SYN2: variants seen among roughly 807,000 people sequenced by gnomAD.
The protein encoded by SYN2 is synapsin-2.
Under a neutral mutation model 50.9 loss-of-function variants are expected in SYN2, and 19 were observed. That is an observed-to-expected ratio of 0.37 (90% confidence interval 0.26 to 0.55). The LOEUF (loss-of-function observed/expected upper bound fraction) is 0.55. Ranked by LOEUF, SYN2 falls within the 20% of genes least tolerant of loss-of-function variation. The probability of loss-of-function intolerance (pLI) is 0.81; values close to 1 mark genes in which losing one functional copy is unlikely to be tolerated. For missense variants in SYN2, 587 were observed against 576.4 expected (o/e 1.02, Z -0.19); for synonymous variants, 255 against 224.9 (o/e 1.13, Z -1.20).
chr3:12,106,490 T>C (rs1035413993), intron 1 of SYN2, among the ~76,000 whole-genome samples: 1 of 152,208 alleles, frequency 6.6e-6, no homozygotes, highest in African/African-American at 2.4e-5. Context: ...TTTTATCTCA[T>C]TTACTGGATC....
At chr3:12,016,074 T>C (rs1694023283) in intron 1 of SYN2, among the ~76,000 whole-genome samples, 1 of 152,234 alleles carries the variant, frequency 6.6e-6, no homozygotes, top group East Asian at 1.9e-4. Flanking sequence ...AACTGAAAAC[T>C]GTTTCTTTTA....
At chr3:12,182,654 CG>C (rs1559458339) in intron 10 of SYN2, among the ~76,000 whole-genome samples, 1 of 152,228 alleles carries the variant, frequency 6.6e-6, no homozygotes, top group African/African-American at 2.4e-5. Flanking sequence ...AAACAAATGA[CG>C]ACCCCTTTCT....
intron 1 of SYN2, among the ~76,000 whole-genome samples, chr3:12,024,770 T>C (rs1299790193): frequency 1.3e-5 from 2 of 152,234 alleles, no homozygotes; most frequent in Admixed American, 6.5e-5. Context: ...TGTTGGTGAT[T>C]ATAAGCTCTT....
chr3:12,163,442 T>G (rs1697706060), intron 7 of SYN2, among the ~76,000 whole-genome samples: 1 of 151,330 alleles, frequency 6.6e-6, no homozygotes, highest in Admixed American at 6.6e-5. Flanking sequence ...CCCCACCCCT[T>G]GAGTGAGTTA....
At chr3:12,053,842 A>G (rs1353169735) in intron 1 of SYN2, among the ~76,000 whole-genome samples, 1 of 152,236 alleles carries the variant, frequency 6.6e-6, no homozygotes, top group East Asian at 1.9e-4. Flanking sequence ...GAATAATTAA[A>G]AATATAATTA....
rs1054683585 is a variant in SYN2, at chr3:12,191,992, T to C, written c.*1367T>C. ...CCACGGATGCTGTGAAGATAAACAC[T>C]ACATCTGCACCAATAAAAAATCCAT... On this transcript the variant is annotated 3_prime_UTR_variant, in exon 13 of 13. Coordinates refer to ENST00000621198, the MANE Select transcript of SYN2 (RefSeq NM_133625.6). 1.3e-5 allele frequency among the ~76,000 whole-genome samples: 2 copies of C among 152,206 alleles called. No homozygotes were observed. Among genetic ancestry groups the C allele is most frequent in the African/African-American group, 4.8e-5 (2 of 41,456 alleles).
chr3:12,038,154 A>G (rs1054435266), intron 1 of SYN2, among the ~76,000 whole-genome samples: 4 of 152,156 alleles, frequency 2.6e-5, no homozygotes, highest in African/African-American at 9.7e-5. Flanking sequence ...ATTTGTTGAA[A>G]AGACTCTTTT....
chr3:12,179,378 A>G (rs1228488116), intron 10 of SYN2, among the ~76,000 whole-genome samples: 15 of 91,238 alleles, frequency 1.6e-4, no homozygotes, highest in African/African-American at 7.8e-4. Flanking sequence ...CTGAAAGAAA[A>G]AAAAAAAAAA....
intron 1 of SYN2, among the ~76,000 whole-genome samples, chr3:12,104,992 G>C (rs1018643616): frequency 6.6e-6 from 1 of 152,202 alleles, no homozygotes; most frequent in Non-Finnish European, 1.5e-5. Context: ...GTAGCGCTAA[G>C]TGAGCACAAT....
intron 1 of SYN2, among the ~76,000 whole-genome samples, chr3:12,006,970 T>C (rs1056723107): frequency 6.6e-6 from 1 of 152,246 alleles, no homozygotes; most frequent in Non-Finnish European, 1.5e-5. Flanking sequence ...CTTCTGTACC[T>C]TGTCCTGATT....
At chr3:12,124,506 C>A (rs1036131447) in intron 1 of SYN2, among the ~76,000 whole-genome samples, 1 of 152,020 alleles carries the variant, frequency 6.6e-6, no homozygotes, top group African/African-American at 2.4e-5. Flanking sequence ...GACCCCTGTA[C>A]AAGAAAGATG....
intron 10 of SYN2, among the ~76,000 whole-genome samples, chr3:12,178,845 A>G (rs1263653781): frequency 2.0e-5 from 3 of 152,250 alleles, no homozygotes; most frequent in African/African-American, 7.2e-5. Context: ...TTTGTTTCAC[A>G]TATCAGCAAA....
At chr3:12,093,604 TTAG>T (rs1269220382) in intron 1 of SYN2, among the ~76,000 whole-genome samples, 2 of 152,134 alleles carry the variant, frequency 1.3e-5, no homozygotes, top group South Asian at 2.1e-4. Context: ...ACAAGGAAAC[TTAG>T]TAGTAACGAT....
rs1693737344 is a variant in SYN2, at chr3:12,004,477, C to G, written c.-75C>G. ...CCTCAGCCGCCTCAGTCGCCTCAAT[C>G]TCGCCTTCCGCCCTCGCTCTCCCTC... On this transcript the variant is annotated 5_prime_UTR_variant, in exon 1 of 13. In the 5' UTR this introduces an upstream ATG that the reference lacks. Coordinates refer to ENST00000621198, the MANE Select transcript of SYN2 (RefSeq NM_133625.6). 1 of 394,544 alleles carries G rather than the reference C, an allele frequency of 2.5e-6. No homozygotes were observed. The highest frequency in any genetic ancestry group is 4.1e-5 in the Admixed American group (1 of 24,450). 24.4% of individuals were successfully genotyped at this position (394,544 alleles called of 1,614,324 possible). A position where few individuals can be genotyped will look rare whatever the true frequency, so the allele number is the denominator to read the frequency against.
At chr3:12,145,218 A>G (rs961167568) in intron 3 of SYN2, among the ~76,000 whole-genome samples, 3 of 152,346 alleles carry the variant, frequency 2.0e-5, no homozygotes, top group Admixed American at 2.0e-4. Context: ...CCTGAGCAAC[A>G]TAGTGAGACC....
chr3:12,036,200 G>A (rs1694494664), intron 1 of SYN2, among the ~76,000 whole-genome samples: 1 of 152,082 alleles, frequency 6.6e-6, no homozygotes, highest in Non-Finnish European at 1.5e-5. Flanking sequence ...TTGCTGTAGT[G>A]GAGACTCTCT....
chr3:12,158,075 T>C (rs1473341787), intron 5 of SYN2, among the ~76,000 whole-genome samples: 3 of 152,132 alleles, frequency 2.0e-5, no homozygotes, highest in Non-Finnish European at 4.4e-5. Flanking sequence ...CTTGATCTAG[T>C]GGAGTGCACA....
intron 1 of SYN2, among the ~76,000 whole-genome samples, chr3:12,016,466 A>C: frequency 6.6e-6 from 1 of 152,226 alleles, no homozygotes. Context: ...CATTGCAAAC[A>C]CTTAAAACAC....
intron 4 of SYN2, among the ~76,000 whole-genome samples, chr3:12,150,278 A>T (rs1697249704): frequency 6.6e-6 from 1 of 152,116 alleles, no homozygotes; most frequent in African/African-American, 2.4e-5. Flanking sequence ...TGCACTGGGG[A>T]TGGGAGTGTA....
Sources: gnomAD v4.1 joint callset for allele counts (sites outside exome capture counted in the v4.1 genomes callset) on GRCh38, gnomAD v4.1.1 for gene constraint, MANE v1.5 for transcripts, NCBI Gene and HGNC (gene_info 2026-07-23, HGNC 2026-07-21) for gene names.